BNIP3L: variants seen among roughly 807,000 people sequenced by gnomAD.
BNIP3L encodes BCL2 interacting protein 3 like.
In BNIP3L, 10 loss-of-function variants were observed where a neutral mutation model predicts 25.5. That is an observed-to-expected ratio of 0.39 (90% confidence interval 0.24 to 0.67). The LOEUF (loss-of-function observed/expected upper bound fraction) is 0.67, where lower values mean the gene tolerates loss of function less well. Among genes scored for constraint, BNIP3L ranks in the 30% least tolerant of loss-of-function variants. The pLI is 0.45. For missense variants in BNIP3L, 215 were observed against 270.9 expected (o/e 0.79, Z 1.45); for synonymous variants, 113 against 101.2 (o/e 1.12, Z -0.70).
At chr8:26,408,172 G>C (rs564581632) in intron 4 of BNIP3L, 55 bp from the exon 5 acceptor site, 1 of 1,611,668 alleles carries the variant, frequency 6.2e-7, no homozygotes. Flanking sequence ...AATGGGCCTG[G>C]TAATCCCCAC....
intron 5 of BNIP3L, among the ~76,000 whole-genome samples, chr8:26,408,866 C>CAT (rs1806555400): frequency 1.0e-5 from 1 of 98,340 alleles, no homozygotes; most frequent in Non-Finnish European, 2.0e-5. Context: ...AGTGAGACTC[C>CAT]ATCTCGGAAA....
Position 26,410,576 on chromosome 8 carries a change from G to A in BNIP3L, c.*164G>A. 1.2e-6 allele frequency: 1 copy of A among 817,760 alleles called. No individual in the cohort carries two copies. Among genetic ancestry groups the A allele is most frequent in the South Asian group, 1.6e-5 (1 of 62,766 alleles). The allele number at this position is 817,760 out of a possible 1,614,324, so 50.7% of individuals were successfully genotyped here. ...AAATTCAATATTTTATTCAAACTCT[G>A]TTGAGGCATTTTACTAACCTTATAC... On this transcript the variant is annotated 3_prime_UTR_variant, in exon 6 of 6. Transcript: ENST00000380629.
chr8:26,395,493 TGTC>T (rs2117475992), intron 3 of BNIP3L, 191 bp downstream of exon 3: 4 of 563,212 alleles, frequency 7.1e-6, no homozygotes, highest in Non-Finnish European at 1.2e-5. Flanking sequence ...TTTTGGGCCC[TGTC>T]ACTCTAAACG....
chr8:26,404,452 A>C (rs1039744856), intron 3 of BNIP3L, among the ~76,000 whole-genome samples: 1 of 152,234 alleles, frequency 6.6e-6, no homozygotes, highest in Non-Finnish European at 1.5e-5. Flanking sequence ...CAGAGAAGGA[A>C]AACTTAAGTG....
chr8:26,409,452 G>A (rs1806572429), intron 5 of BNIP3L, among the ~76,000 whole-genome samples: 1 of 152,140 alleles, frequency 6.6e-6, no homozygotes, highest in East Asian at 1.9e-4. Context: ...TCAGAAACTT[G>A]CATACAGCTT....
At chr8:26,397,506 T>C (rs1259454984) in intron 3 of BNIP3L, among the ~76,000 whole-genome samples, 1 of 129,314 alleles carries the variant, frequency 7.7e-6, no homozygotes, top group African/African-American at 2.9e-5. Context: ...CGGTACCAGC[T>C]GCTGCAAAAT....
At chr8:26,392,171 GTT>G (rs369100652) in intron 2 of BNIP3L, among the ~76,000 whole-genome samples, 1 of 110,404 alleles carries the variant, frequency 9.1e-6, no homozygotes, top group Non-Finnish European at 2.0e-5. Flanking sequence ...AAACTTTTCT[GTT>G]TTTTTTTTTT....
intron 3 of BNIP3L, chr8:26,395,712 C>T (rs1806218635): frequency 5.2e-6 from 1 of 192,032 alleles, no homozygotes; most frequent in Non-Finnish European, 1.1e-5. Context: ...ATCTGAGGTA[C>T]CGGGTTCATC....
chr8:26,408,458 G>C (rs901804164), intron 5 of BNIP3L, 82 bp downstream of exon 5: 8 of 1,445,226 alleles, frequency 5.5e-6, no homozygotes, highest in Non-Finnish European at 7.5e-6. Flanking sequence ...TGTGAAAGCA[G>C]TTTTTATTGC....
At chr8:26,391,066 G>A (rs1199079171) in intron 1 of BNIP3L, among the ~76,000 whole-genome samples, 177 bp from the exon 2 acceptor site, 1 of 152,132 alleles carries the variant, frequency 6.6e-6, no homozygotes, top group Non-Finnish European at 1.5e-5. Flanking sequence ...GCTATTTCAG[G>A]AACAGAACTA....
chr8:26,408,976 A>G (rs1325378180), intron 5 of BNIP3L, among the ~76,000 whole-genome samples: 4 of 151,938 alleles, frequency 2.6e-5, no homozygotes, highest in African/African-American at 9.7e-5. Context: ...TTTGTTGTGT[A>G]ATATTTAATC....
At chr8:26,385,376 C>T (rs1225560630) in intron 1 of BNIP3L, among the ~76,000 whole-genome samples, 1 of 151,862 alleles carries the variant, frequency 6.6e-6, no homozygotes, top group African/African-American at 2.4e-5. Context: ...GCGAGTGGAT[C>T]ACTTGAGGTC....
intron 3 of BNIP3L, among the ~76,000 whole-genome samples, chr8:26,404,551 C>A (rs1738877786): frequency 6.6e-6 from 1 of 152,172 alleles, no homozygotes; most frequent in South Asian, 2.1e-4. Context: ...AGATGGACCT[C>A]ACTCTGTCAC....
chr8:26,405,576 G>T (rs1161825420), intron 3 of BNIP3L, among the ~76,000 whole-genome samples: 6 of 152,146 alleles, frequency 3.9e-5, no homozygotes, highest in African/African-American at 1.4e-4. Context: ...CAGAGAACTA[G>T]ACCTGTCAAG....
At chr8:26,383,382 CAAG>C (rs1805900461) in intron 1 of BNIP3L, 152 bp downstream of exon 1, 5 of 1,451,508 alleles carry the variant, frequency 3.4e-6, no homozygotes, top group East Asian at 2.5e-5. Flanking sequence ...CGTCCCCTGT[CAAG>C]AGGAGGGGCG....
At position 26,411,619 on chromosome 8, in the gene BNIP3L, T is replaced by C. The variant is rs1196109656; in HGVS notation, c.*1207T>C. 2 of 152,772 alleles carry C rather than the reference T, an allele frequency of 1.3e-5. No homozygotes were observed. The highest frequency in any genetic ancestry group is 2.1e-4 in the South Asian group (1 of 4,828). 9.5% of individuals were successfully genotyped at this position (152,772 alleles called of 1,614,324 possible). Reference sequence around the variant, plus strand: ...TCTCATGTAGCTGTCTTTTCAGTTATGGTAAACTCTTAAAGTTCAGAACAC... The same window carrying C: ...TCTCATGTAGCTGTCTTTTCAGTTACGGTAAACTCTTAAAGTTCAGAACAC... On this transcript the variant is annotated 3_prime_UTR_variant, in exon 6 of 6. Transcript: ENST00000380629.
chr8:26,410,717 G>C lies in BNIP3L; in HGVS notation c.*305G>C. On this transcript the variant is annotated 3_prime_UTR_variant, in exon 6 of 6. Transcript: ENST00000380629. Reference sequence around the variant, plus strand: ...AGCAGATTATAATTTTGTCAGCAATGCTATTATCTCTAATTAGTGCCACCA... The same window carrying C: ...AGCAGATTATAATTTTGTCAGCAATCCTATTATCTCTAATTAGTGCCACCA... The C allele has an allele frequency of 1.1e-5, 4 of 377,330 alleles. No homozygotes were observed. Among genetic ancestry groups the C allele is most frequent in the South Asian group, 1.1e-4 (4 of 37,916 alleles). The allele number at this position is 377,330 out of a possible 1,614,324, so 23.4% of individuals were successfully genotyped here. A position where few individuals can be genotyped will look rare whatever the true frequency, so the allele number is the denominator to read the frequency against.
chr8:26,403,160 A>G (rs1298249561), intron 3 of BNIP3L, among the ~76,000 whole-genome samples: 1 of 152,220 alleles, frequency 6.6e-6, no homozygotes, highest in Admixed American at 6.5e-5. Context: ...GTCAGTTTCA[A>G]CAAAGGGAAG....
chr8:26,410,338 A>G, intron 5 of BNIP3L, 26 bp from the exon 6 acceptor site: 1 of 1,614,028 alleles, frequency 6.2e-7, no homozygotes, highest in East Asian at 2.2e-5. Context: ...AAACAGGTGA[A>G]ACATGATGCT....
Sources: allele counts gnomAD v4.1 joint callset (sites outside exome capture counted in the v4.1 genomes callset), GRCh38; gene constraint gnomAD v4.1.1; transcripts MANE v1.5; gene names NCBI Gene and HGNC (gene_info 2026-07-23, HGNC 2026-07-21).